Variants in TSNARE1 observed in about 807,000 individuals in gnomAD.
The protein encoded by TSNARE1 is t-SNARE domain containing 1.
Under a neutral mutation model 62.0 loss-of-function variants are expected in TSNARE1, and 49 were observed. The observed-to-expected ratio is 0.79, with a 90% confidence interval of 0.63 to 1.00. The LOEUF is 1.00. Ranked by LOEUF, TSNARE1 falls within the 50% of genes least tolerant of loss-of-function variation. TSNARE1 has a pLI of 0.00. For missense variants in TSNARE1, 755 were observed against 700.1 expected, an observed-to-expected ratio of 1.08 and a Z score of -0.88; for synonymous variants, 328 against 294.4, an observed-to-expected ratio of 1.11 and a Z score of -1.17.
At chr8:142,309,248 CT>C (rs201269304) in intron 9 of TSNARE1, among the ~76,000 whole-genome samples, 8 of 152,058 alleles carry the variant, frequency 5.3e-5, no homozygotes, top group Admixed American at 2.0e-4. Context: ...CAATCCTACT[CT>C]TTTTTTTCAT....
chr8:142,279,835 C>T lies in TSNARE1; in HGVS notation c.1363+4578G>A, dbSNP rs931281887. The T allele has an allele frequency of 5.2e-5, 53 of 1,014,030 alleles. 1 individual carries two copies. The highest frequency in any genetic ancestry group is 5.9e-5 in the Non-Finnish European group (50 of 841,812). The allele number at this position is 1,014,030 out of a possible 1,614,324, so 62.8% of individuals were successfully genotyped here. ...CCCAGGGCAGTGTGGTCCGGGGGGG[C>T]GGGCTGTGGGGAAGGCCCACTTACT... On this transcript the variant is annotated intron_variant, in intron 11 of 13. Coordinates refer to ENST00000524325, the MANE Select transcript of TSNARE1 (RefSeq NM_145003.5).
At chr8:142,325,871 G>C (rs1830142158) in intron 6 of TSNARE1, among the ~76,000 whole-genome samples, 1 of 146,738 alleles carries the variant, frequency 6.8e-6, no homozygotes, top group Non-Finnish European at 1.5e-5. Context: ...TGAAGGGGAG[G>C]GGCCCCAGAG....
intron 1 of TSNARE1, among the ~76,000 whole-genome samples, chr8:142,402,447 G>A (rs970966202): frequency 1.3e-5 from 2 of 152,254 alleles, no homozygotes; most frequent in African/African-American, 2.4e-5. Flanking sequence ...ACATGGCAGA[G>A]CTTCCAGAGC....
At chr8:142,226,320 G>A (rs916250939) in intron 13 of TSNARE1, among the ~76,000 whole-genome samples, 2 of 152,170 alleles carry the variant, frequency 1.3e-5, no homozygotes, top group Admixed American at 6.5e-5. Flanking sequence ...ATGGGCTTGC[G>A]CATACATGCA....
rs2131086176 is a variant in TSNARE1 at position 142,291,863 on chromosome 8, AG to A, written c.1291-7379del. On this transcript the variant is annotated intron_variant, in intron 10 of 13. Transcript: ENST00000524325. The surrounding 1 kb of genome is among the most constrained non-coding windows in gnomAD (Gnocchi z 4.8). Reference sequence around the variant, plus strand: ...GGAGCAGGGGTGGCCGGGCCTGCCCAGGGAACTGTGAGGTGTGGGGTGAGGA... The same window carrying A: ...GGAGCAGGGGTGGCCGGGCCTGCCCAGGAACTGTGAGGTGTGGGGTGAGGA... Among the ~76,000 whole-genome samples the A allele has an allele frequency of 6.6e-6, 1 of 152,174 alleles. No homozygotes were observed. The highest frequency in any genetic ancestry group is 1.9e-4 in the East Asian group (1 of 5,146).
chr8:142,352,444 G>A (rs1834217913), intron 2 of TSNARE1, among the ~76,000 whole-genome samples: 1 of 152,264 alleles, frequency 6.6e-6, no homozygotes, highest in Admixed American at 6.5e-5. Context: ...GGCTGCAGGT[G>A]GCCCAGCCCA....
chr8:142,273,716 C>T (rs1819970160), intron 12 of TSNARE1: 20 of 985,432 alleles, frequency 2.0e-5, no homozygotes, highest in Non-Finnish European at 2.3e-5. Flanking sequence ...GGTGCCCGGG[C>T]TGGGTCCCAC....
intron 2 of TSNARE1, among the ~76,000 whole-genome samples, chr8:142,349,929 C>T (rs563277124): frequency 2.6e-4 from 37 of 143,892 alleles, no homozygotes; most frequent in Admixed American, 1.3e-3. Flanking sequence ...AGGGCTGGCA[C>T]GCTGGGACAA....
chr8:142,220,104 G>A (rs1029065813), intron 13 of TSNARE1, among the ~76,000 whole-genome samples: 2 of 152,248 alleles, frequency 1.3e-5, no homozygotes, highest in Non-Finnish European at 2.9e-5. Context: ...GTGCCTGCAG[G>A]GTAACAGTAA....
intron 12 of TSNARE1, among the ~76,000 whole-genome samples, chr8:142,267,795 T>A (rs1342033979): frequency 6.6e-6 from 1 of 152,202 alleles, no homozygotes; most frequent in Non-Finnish European, 1.5e-5. Context: ...TTGGGCTGCC[T>A]GGGGGATGGA....
intron 12 of TSNARE1, among the ~76,000 whole-genome samples, chr8:142,260,972 G>GGGAGGAAGGGAGGAGGGAAGCA (rs1818831656): frequency 4.3e-4 from 1 of 2,332 alleles, no homozygotes; most frequent in African/African-American, 9.7e-4. Flanking sequence ...CAGTCAGGGA[G>GGGAGGAAGGGAGGAGGGAAGCA]GGAGGGAGGG....
Position 142,344,426 on chromosome 8 carries a change from T to G in TSNARE1, c.285A>C (p.Ser95=). Residue 95 remains serine (S), a synonymous_variant, in exon 4 of 14, where the codon TCA becomes TCC. Transcript: ENST00000524325. ...PEGSRMPEPT[S]SPTIGPRKDS... ...CCTTCCTCGGGCCAATGGTGGGTGATGAGGTGGGCTCCGGCATCCGGCTGC... is the reference window on the plus strand; with the variant it reads ...CCTTCCTCGGGCCAATGGTGGGTGAGGAGGTGGGCTCCGGCATCCGGCTGC... The G allele has an allele frequency of 1.3e-6, 2 of 1,586,448 alleles. No individual in the cohort carries two copies. The highest frequency in any genetic ancestry group is 2.3e-5 in the South Asian group (2 of 87,396).
chr8:142,345,936 C>T (rs200148456), intron 2 of TSNARE1, 44 bp from the exon 3 acceptor site: 199 of 1,582,266 alleles, frequency 1.3e-4, no homozygotes, highest in Middle Eastern at 1.7e-4. Flanking sequence ...CAGCTCAGGG[C>T]GCTCCTGGCA....
At position 142,222,731 on chromosome 8, in the gene TSNARE1, T is replaced by C. The variant is rs1046177120; in HGVS notation, c.*11+6742A>G. ...ACTCACTCATCCACTCACTCACTCA[T>C]CCACTCACTCACTCACTCATCCACT... On this transcript the variant is annotated intron_variant, in intron 13 of 13. Coordinates refer to ENST00000524325, the MANE Select transcript of TSNARE1 (RefSeq NM_145003.5). Among the ~76,000 whole-genome samples the C allele has an allele frequency of 4.4e-4, 10 of 22,710 alleles. 1 individual carries two copies. The highest frequency in any genetic ancestry group is 7.1e-4 in the Non-Finnish European group (6 of 8,484). 14.9% of individuals were successfully genotyped at this position (22,710 alleles called of 152,430 possible).
At chr8:142,390,560 G>A (rs1837433759) in intron 1 of TSNARE1, among the ~76,000 whole-genome samples, 1 of 71,244 alleles carries the variant, frequency 1.4e-5, no homozygotes, top group East Asian at 5.3e-4. Context: ...TGTAACAGAC[G>A]CTGTACACTG....
intron 13 of TSNARE1, among the ~76,000 whole-genome samples, chr8:142,225,655 G>A (rs1816737702): frequency 6.6e-6 from 1 of 152,184 alleles, no homozygotes; most frequent in Admixed American, 6.5e-5. Flanking sequence ...ACCATGTGCT[G>A]CCTAGGCCCA....
At chr8:142,320,021 G>A (rs1357582212) in intron 6 of TSNARE1, among the ~76,000 whole-genome samples, 1 of 152,124 alleles carries the variant, frequency 6.6e-6, no homozygotes, top group African/African-American at 2.4e-5. Context: ...AACACTGTGA[G>A]AAGGATGCAG....
At chr8:142,215,076 C>T (rs541056576) in intron 13 of TSNARE1, among the ~76,000 whole-genome samples, 51 of 152,356 alleles carry the variant, frequency 3.3e-4, no homozygotes, top group African/African-American at 1.2e-3. Flanking sequence ...AGGCAGAGAC[C>T]TGTCCTGTCC....
intron 2 of TSNARE1, among the ~76,000 whole-genome samples, chr8:142,348,679 A>G (rs1379920410): frequency 6.9e-6 from 1 of 144,734 alleles, no homozygotes; most frequent in Admixed American, 6.9e-5. Context: ...CAGGCTGCCA[A>G]GGGCGTGTCG....
Sources: gnomAD v4.1 joint callset for allele counts (sites outside exome capture counted in the v4.1 genomes callset) on GRCh38, gnomAD v4.1.1 for gene constraint, Gnocchi (gnomAD v3.1) non-coding constraint, MANE v1.5 for transcripts, NCBI Gene and HGNC (gene_info 2026-07-23, HGNC 2026-07-21) for gene names.